ATP8A2: variants seen among roughly 807,000 people sequenced by gnomAD.
The protein encoded by ATP8A2 is phospholipid-transporting ATPase IB.
In ATP8A2, 100 loss-of-function variants were observed where a neutral mutation model predicts 165.6. The observed-to-expected ratio is 0.60, with a 90% confidence interval of 0.51 to 0.71. The LOEUF is 0.71. Among genes scored for constraint, ATP8A2 ranks in the 30% least tolerant of loss-of-function variants. ATP8A2 has a pLI of 0.00. For synonymous variants in ATP8A2, 543 were observed against 548.8 expected (o/e 0.99, Z 0.15); for missense variants, 1,227 against 1,479.5 (o/e 0.83, Z 2.80).
At chr13:25,745,929 A>C (rs2044021636) in intron 25 of ATP8A2, among the ~76,000 whole-genome samples, 1 of 152,342 alleles carries the variant, frequency 6.6e-6, no homozygotes, top group Non-Finnish European at 1.5e-5. Flanking sequence ...TGAATGTGAC[A>C]GCATGCTAGG....
At chr13:25,682,702 G>T (rs17487822) in intron 24 of ATP8A2, among the ~76,000 whole-genome samples, 11,385 of 152,174 alleles carry the variant, frequency 0.075, 526 homozygotes, top group Non-Finnish European at 0.11. Flanking sequence ...TTCTTGTACT[G>T]CTAGGCCTAC....
chr13:25,523,326 G>A (rs972164230), intron 2 of ATP8A2, among the ~76,000 whole-genome samples: 3 of 147,764 alleles, frequency 2.0e-5, no homozygotes, highest in Admixed American at 6.8e-5. Flanking sequence ...AGGCTGGAGT[G>A]CAGTGCCGCA....
At chr13:25,482,821 A>G (rs1382286752) in intron 2 of ATP8A2, among the ~76,000 whole-genome samples, 2 of 152,188 alleles carry the variant, frequency 1.3e-5, no homozygotes, top group East Asian at 3.9e-4. Context: ...CGTCCATGTA[A>G]GACGGGACTT....
intron 25 of ATP8A2, among the ~76,000 whole-genome samples, chr13:25,708,283 C>T (rs2043093575): frequency 6.6e-6 from 1 of 152,154 alleles, no homozygotes; most frequent in Non-Finnish European, 1.5e-5. Context: ...CAAGTCTTGC[C>T]TTGTGATGGT....
chr13:25,713,668 C>A (rs1037223544), intron 25 of ATP8A2, among the ~76,000 whole-genome samples: 4 of 152,190 alleles, frequency 2.6e-5, no homozygotes, highest in Admixed American at 2.6e-4. Flanking sequence ...ATTTCAAATG[C>A]AGGTCACTTC....
intron 1 of ATP8A2, among the ~76,000 whole-genome samples, chr13:25,465,911 C>T (rs2137505136): frequency 6.6e-6 from 1 of 151,562 alleles, no homozygotes; most frequent in South Asian, 2.1e-4. Context: ...AGGCATGAGC[C>T]ACCATGCCCA....
At chr13:25,918,805 T>G (rs944023030) in intron 33 of ATP8A2, among the ~76,000 whole-genome samples, 3 of 152,218 alleles carry the variant, frequency 2.0e-5, no homozygotes, top group Admixed American at 1.3e-4. Context: ...GGACCCCACT[T>G]GTAACATGAT....
chr13:25,402,775 G>A (rs1028361684), intron 1 of ATP8A2, among the ~76,000 whole-genome samples: 2 of 152,212 alleles, frequency 1.3e-5, no homozygotes, highest in African/African-American at 4.8e-5. Context: ...GAGGCAGCAA[G>A]TTTGCCCTGT....
intron 33 of ATP8A2, among the ~76,000 whole-genome samples, chr13:25,907,001 G>A (rs759470156): frequency 3.3e-5 from 5 of 152,224 alleles, no homozygotes; most frequent in East Asian, 1.9e-4. Context: ...AGGCTGAAGC[G>A]GGCGGATCAC....
intron 33 of ATP8A2, among the ~76,000 whole-genome samples, chr13:25,905,788 C>G (rs954241198): frequency 6.6e-6 from 1 of 152,216 alleles, no homozygotes; most frequent in Admixed American, 6.5e-5. Flanking sequence ...TCTCCTGGGG[C>G]CCCTTCCTGC....
At chr13:25,637,913 C>T (rs2137548088) in intron 24 of ATP8A2, among the ~76,000 whole-genome samples, 1 of 152,294 alleles carries the variant, frequency 6.6e-6, no homozygotes, top group South Asian at 2.1e-4. Flanking sequence ...ACGAAGCTTC[C>T]AGAGGAATGA....
In ATP8A2 at chr13:25,495,629, T is replaced by TA. The variant is rs1331361099; in HGVS notation, c.221+26508_221+26509insA. Among the ~76,000 whole-genome samples the TA allele has an allele frequency of 1.0e-4, 15 of 146,296 alleles. No homozygotes were observed. The East Asian group carries it at 2.8e-3, about 27-fold the overall frequency. On this transcript the variant is annotated intron_variant, in intron 2 of 36. Coordinates refer to ENST00000381655, the MANE Select transcript of ATP8A2 (RefSeq NM_016529.6). ...CATGCACCATGCATGCCTTGCTTTT[T>TA]TTTTTTTTTTTTTTTTTTTAAGAGA...
At chr13:25,668,106 T>C (rs557939825) in intron 24 of ATP8A2, among the ~76,000 whole-genome samples, 1 of 152,328 alleles carries the variant, frequency 6.6e-6, no homozygotes, top group South Asian at 2.1e-4. Context: ...GAATTTTATG[T>C]TTACCTATGG....
chr13:25,510,551 T>C (rs1235022900), intron 2 of ATP8A2, among the ~76,000 whole-genome samples: 3 of 152,240 alleles, frequency 2.0e-5, no homozygotes, highest in African/African-American at 7.2e-5. Context: ...AAGGAATACA[T>C]ACAAATGTTG....
chr13:25,557,309 C>T (rs773017060), intron 13 of ATP8A2, among the ~76,000 whole-genome samples: 3 of 152,158 alleles, frequency 2.0e-5, no homozygotes, highest in Non-Finnish European at 2.9e-5. Context: ...GGGCTGAATA[C>T]AGCACCCAGA....
rs779337270 is a variant in ATP8A2, at chr13:25,961,664, G to A, written c.3272+1G>A. On this transcript the variant is annotated splice_donor_variant, in intron 34 of 36. Transcript: ENST00000381655. LOFTEE classifies it high-confidence loss of function. The stretch of plus-strand genomic sequence containing the variant: ...TGATTGAAGATGTGGCATGGAGAGC[G>A]TAAGTTTAACAGTGAAGCGGGGACC... 3.7e-6 allele frequency: 6 copies of A among 1,610,732 alleles called. No homozygotes were observed. The highest frequency in any genetic ancestry group is 1.7e-5 in the Admixed American group (1 of 59,996).
intron 2 of ATP8A2, among the ~76,000 whole-genome samples, chr13:25,505,861 A>G (rs2137731375): frequency 6.6e-6 from 1 of 152,314 alleles, no homozygotes; most frequent in African/African-American, 2.4e-5. Context: ...ATATTCTCCT[A>G]TACAGGCATT....
intron 24 of ATP8A2, among the ~76,000 whole-genome samples, chr13:25,648,369 A>G (rs981594736): frequency 4.6e-5 from 7 of 152,132 alleles, no homozygotes; most frequent in African/African-American, 1.7e-4. Flanking sequence ...AGTCTCTTCT[A>G]TAAAATGGTG....
At chr13:25,579,118 G>A (rs137997287) in intron 21 of ATP8A2, among the ~76,000 whole-genome samples, 7 of 152,310 alleles carry the variant, frequency 4.6e-5, no homozygotes, top group African/African-American at 9.6e-5. Context: ...AACGCACAAC[G>A]TGTAGAATCA....
Sources: allele counts gnomAD v4.1 joint callset (sites outside exome capture counted in the v4.1 genomes callset), GRCh38; gene constraint gnomAD v4.1.1; transcripts MANE v1.5; gene names NCBI Gene and HGNC (gene_info 2026-07-23, HGNC 2026-07-21).